Variants in FMNL2 observed in about 807,000 individuals in gnomAD.
FMNL2 encodes formin like 2.
A neutral mutation model predicts 130.2 loss-of-function variants in FMNL2; 51 were observed. That is an observed-to-expected ratio of 0.39 (90% confidence interval 0.31 to 0.49). The LOEUF is 0.49. Ranked by LOEUF, FMNL2 falls within the 20% of genes least tolerant of loss-of-function variation. The pLI is 0.85. For missense variants in FMNL2, 977 were observed against 1,316.2 expected, an observed-to-expected ratio of 0.74 and a Z score of 3.99; for synonymous variants, 465 against 467.1, an observed-to-expected ratio of 1.00 and a Z score of 0.06.
intron 1 of FMNL2, among the ~76,000 whole-genome samples, chr2:152,519,487 G>A (rs182573505): frequency 6.8e-4 from 103 of 152,326 alleles, no homozygotes; most frequent in Non-Finnish European, 1.3e-3. Context: ...TGTAATTCCT[G>A]TGGCGATGTT....
intron 1 of FMNL2, among the ~76,000 whole-genome samples, chr2:152,501,179 A>C (rs984647752): frequency 1.3e-5 from 2 of 152,234 alleles, no homozygotes; most frequent in Non-Finnish European, 2.9e-5. Flanking sequence ...GTAATTCCCA[A>C]ATAGAGTCCT....
At chr2:152,616,645 G>A (rs1008449754) in intron 12 of FMNL2, among the ~76,000 whole-genome samples, 1 of 152,078 alleles carries the variant, frequency 6.6e-6, no homozygotes, top group Non-Finnish European at 1.5e-5. Flanking sequence ...GCATAGTTTG[G>A]TCAAACCAAG....
chr2:152,500,883 G>C (rs1298596089), intron 1 of FMNL2, among the ~76,000 whole-genome samples: 1 of 152,144 alleles, frequency 6.6e-6, no homozygotes, highest in African/African-American at 2.4e-5. Context: ...GAGTCAGTTA[G>C]GTCTCTTAAA....
At chr2:152,587,056 A>G (rs1412758176) in intron 9 of FMNL2, among the ~76,000 whole-genome samples, 3 of 152,138 alleles carry the variant, frequency 2.0e-5, no homozygotes, top group Non-Finnish European at 4.4e-5. Flanking sequence ...CCCAGCTGGG[A>G]CTATCAACCA....
chr2:152,387,164 T>A (rs1011241934), intron 1 of FMNL2, among the ~76,000 whole-genome samples: 1 of 26,588 alleles, frequency 3.8e-5, no homozygotes, highest in African/African-American at 8.7e-5. Flanking sequence ...AGATCTGGGT[T>A]AAAAACCAAA....
chr2:152,601,036 G>C (rs1260976668), intron 9 of FMNL2, among the ~76,000 whole-genome samples: 2 of 152,064 alleles, frequency 1.3e-5, no homozygotes, highest in Non-Finnish European at 2.9e-5. Context: ...AATACTGAGG[G>C]AGAGAATTTT....
At chr2:152,513,939 G>A (rs900684791) in intron 1 of FMNL2, among the ~76,000 whole-genome samples, 5 of 152,188 alleles carry the variant, frequency 3.3e-5, no homozygotes, top group Admixed American at 6.5e-5. Context: ...AAGCTGAATA[G>A]ATTTTAGCAG....
chr2:152,487,904 C>T (rs2105267185), intron 1 of FMNL2, among the ~76,000 whole-genome samples: 1 of 151,960 alleles, frequency 6.6e-6, no homozygotes, highest in Non-Finnish European at 1.5e-5. Flanking sequence ...GCATGTGCCT[C>T]AGCCTCTGGA....
At chr2:152,485,209 A>G (rs1690749208) in intron 1 of FMNL2, among the ~76,000 whole-genome samples, 2 of 152,112 alleles carry the variant, frequency 1.3e-5, no homozygotes, top group Non-Finnish European at 2.9e-5. Context: ...TTAGCCATGC[A>G]TGGCCGGGCA....
At chr2:152,372,601 T>C (rs1683948884) in intron 1 of FMNL2, among the ~76,000 whole-genome samples, 2 of 152,198 alleles carry the variant, frequency 1.3e-5, no homozygotes, top group African/African-American at 4.8e-5. Flanking sequence ...ATTGTGCTCA[T>C]GAAGGGCCTT....
intron 8 of FMNL2, among the ~76,000 whole-genome samples, chr2:152,579,781 AG>A (rs1696679286): frequency 6.6e-6 from 1 of 152,274 alleles, no homozygotes; most frequent in African/African-American, 2.4e-5. Flanking sequence ...AAAGGCTAGC[AG>A]CAGATATAAT....
chr2:152,414,327 C>A (rs1461209534), intron 1 of FMNL2, among the ~76,000 whole-genome samples: 1 of 152,142 alleles, frequency 6.6e-6, no homozygotes, highest in African/African-American at 2.4e-5. Flanking sequence ...TAATGAATCT[C>A]ACTGGGGGTG....
intron 4 of FMNL2, among the ~76,000 whole-genome samples, chr2:152,555,099 G>C (rs1467685678): frequency 6.6e-6 from 1 of 152,176 alleles, no homozygotes; most frequent in East Asian, 1.9e-4. Context: ...TGTCTTCTTT[G>C]GTTGCAGCAG....
At chr2:152,563,935 T>G (rs2105616510) in intron 6 of FMNL2, among the ~76,000 whole-genome samples, 1 of 152,208 alleles carries the variant, frequency 6.6e-6, no homozygotes, top group East Asian at 1.9e-4. Context: ...ATCTCATAAG[T>G]CTCGGGTGAA....
intron 1 of FMNL2, among the ~76,000 whole-genome samples, chr2:152,514,641 C>T (rs181880285): frequency 7.2e-5 from 11 of 152,194 alleles, no homozygotes; most frequent in African/African-American, 2.2e-4. Context: ...CCTACATATA[C>T]ATACCTATGA....
chr2:152,550,942 A>G (rs1290058792), intron 4 of FMNL2, among the ~76,000 whole-genome samples: 11 of 152,116 alleles, frequency 7.2e-5, no homozygotes, highest in African/African-American at 2.7e-4. Flanking sequence ...GTTCGACACC[A>G]GCCTGGCCAA....
At chr2:152,352,485 A>T (rs1291300634) in intron 1 of FMNL2, among the ~76,000 whole-genome samples, 3 of 152,252 alleles carry the variant, frequency 2.0e-5, no homozygotes, top group Middle Eastern at 6.3e-3. Context: ...CAAAAATATT[A>T]TGTAAATATA....
At chr2:152,559,756 T>C (rs1204273320) in intron 5 of FMNL2, among the ~76,000 whole-genome samples, 2 of 152,194 alleles carry the variant, frequency 1.3e-5, no homozygotes, top group Non-Finnish European at 2.9e-5. Context: ...CCTCCTCGTC[T>C]TACCTTCTCT....
chr2:152,578,945 C>G lies in FMNL2; in HGVS notation c.763C>G (p.Leu255Val). 1 of 1,613,482 alleles carries G rather than the reference C, an allele frequency of 6.2e-7. No homozygotes were observed. The highest frequency in any genetic ancestry group is 8.5e-7 in the Non-Finnish European group (1 of 1,179,624). ...PHAVNEIALS[L>V]NNKNPRTKAL... is the part of the protein sequence containing the mutation. ...CGCTGTCAATGAGATTGCACTAAGC[C>G]TGAACAACAAGAATCCCAGGTAAGC... The change falls in exon 8 of 26, where the codon CTG becomes GTG. Residue 255 changes from leucine to valine, a missense_variant. Leu to Val is a conservative substitution (Grantham distance 32). This residue lies in a region of FMNL2 where 689 missense variants were observed against 995.9 expected (regional missense o/e 0.69). Coordinates refer to ENST00000288670, the MANE Select transcript of FMNL2 (RefSeq NM_052905.4).
Sources: allele counts gnomAD v4.1 joint callset (sites outside exome capture counted in the v4.1 genomes callset), GRCh38; gene constraint gnomAD v4.1.1; regional missense constraint gnomAD v4.1.1; transcripts MANE v1.5; gene names NCBI Gene and HGNC (gene_info 2026-07-23, HGNC 2026-07-21).